DLAT: variants seen among roughly 807,000 people sequenced by gnomAD.
The protein encoded by DLAT is dihydrolipoamide S-acetyltransferase.
Under a neutral mutation model 68.0 loss-of-function variants are expected in DLAT, and 43 were observed. The observed-to-expected ratio is 0.63, with a 90% confidence interval of 0.50 to 0.81. The LOEUF (loss-of-function observed/expected upper bound fraction) is 0.81. Ranked by LOEUF, DLAT falls within the 40% of genes least tolerant of loss-of-function variation. The pLI, the probability that DLAT is intolerant of heterozygous loss-of-function variation, is 0.00. For missense variants in DLAT, 745 were observed against 815.4 expected (o/e 0.91, Z 1.05); for synonymous variants, 265 against 288.6 (o/e 0.92, Z 0.83).
At chr11:112,057,580 ATTCCCT>A (rs1864174885) in intron 11 of DLAT, among the ~76,000 whole-genome samples, 1 of 152,256 alleles carries the variant, frequency 6.6e-6, no homozygotes, top group Non-Finnish European at 1.5e-5. Flanking sequence ...CAGGTACAGC[ATTCCCT>A]TAAGCCAAAG....
chr11:112,062,095 T>C (rs188417776), intron 13 of DLAT, among the ~76,000 whole-genome samples: 3 of 152,210 alleles, frequency 2.0e-5, no homozygotes, highest in Non-Finnish European at 4.4e-5. Context: ...CTGGGACATA[T>C]GGCTGCTGTT....
rs782118327 is a variant in DLAT, at chr11:112,035,505, TG to T, written c.788-1766del. Among the ~76,000 whole-genome samples, 990 of 146,854 alleles carry T rather than the reference TG, an allele frequency of 6.7e-3. 20 individuals carry two copies. Among genetic ancestry groups the T allele is most frequent in the Non-Finnish European group, 9.1e-3 (603 of 66,340 alleles). On this transcript the variant is annotated intron_variant, in intron 5 of 13. Coordinates refer to ENST00000280346, the MANE Select transcript of DLAT (RefSeq NM_001931.5). ...TTTAAACACTTCTTTTTTTTTTTTT[TG>T]GAAACAGAGTCTGGCTCTGTTGTCC...
chr11:112,043,455 G>A lies in DLAT; in HGVS notation c.1130-11G>A. The A allele has an allele frequency of 6.2e-7, 1 of 1,612,752 alleles. No homozygotes were observed. The highest frequency in any genetic ancestry group is 8.5e-7 in the Non-Finnish European group (1 of 1,178,758). ...ATGTCATCATGTATGTGATATTTAT[G>A]TCTCTTACAGGGACAGGACCAGATG... On this transcript the variant is annotated splice_polypyrimidine_tract_variant and intron_variant, in intron 7 of 13. Transcript: ENST00000280346.
intron 10 of DLAT, 96 bp downstream of exon 10, chr11:112,046,066 T>C: frequency 1.4e-6 from 1 of 718,216 alleles, no homozygotes; most frequent in Non-Finnish European, 2.5e-6. Context: ...TGTTACAATA[T>C]ATCAGTTGGT....
chr11:112,028,444 A>T, intron 2 of DLAT, 71 bp from the exon 3 acceptor site: 6 of 1,372,058 alleles, frequency 4.4e-6, no homozygotes, highest in Non-Finnish European at 6.0e-6. Context: ...AAAAAAAAAA[A>T]ATTCTAGACA....
intron 6 of DLAT, among the ~76,000 whole-genome samples, chr11:112,038,916 T>G (rs1288304883): frequency 6.6e-6 from 1 of 151,398 alleles, no homozygotes; most frequent in Non-Finnish European, 1.5e-5. Context: ...TGTAAAAGAA[T>G]GCGAATAAAG....
chr11:112,063,332 A>G lies in DLAT; in HGVS notation c.*797A>G, dbSNP rs1040504940. 6.6e-6 allele frequency: 1 copy of G among 152,328 alleles called. No individual in the cohort carries two copies. The highest frequency in any genetic ancestry group is 6.5e-5 in the Admixed American group (1 of 15,282). 9.4% of individuals were successfully genotyped at this position (152,328 alleles called of 1,614,324 possible). On this transcript the variant is annotated 3_prime_UTR_variant, in exon 14 of 14. Transcript: ENST00000280346. ...ATTTAACAGAAGTTGTGAAACTAAAATTTTCTAAGATTAACTGGTAGTTCA... is the reference window on the plus strand; with the variant it reads ...ATTTAACAGAAGTTGTGAAACTAAAGTTTTCTAAGATTAACTGGTAGTTCA...
rs1555180107 is a variant in DLAT, at chr11:112,033,397, T to G, written c.661-7T>G. 1.2e-6 allele frequency: 2 copies of G among 1,613,198 alleles called. No homozygotes were observed. Among genetic ancestry groups the G allele is most frequent in the South Asian group, 2.2e-5 (2 of 90,940 alleles). ...TATTAAGCAATAATATGTGTTTGTT[T>G]CTGCAGGTACTTCTTCCTGCCCTCT... On this transcript the variant is annotated splice_polypyrimidine_tract_variant and splice_region_variant and intron_variant, in intron 4 of 13. Coordinates refer to ENST00000280346, the MANE Select transcript of DLAT (RefSeq NM_001931.5).
chr11:112,031,892 T>G (rs1005074188), intron 4 of DLAT, among the ~76,000 whole-genome samples: 4 of 115,206 alleles, frequency 3.5e-5, no homozygotes, highest in African/African-American at 6.9e-5. Flanking sequence ...CCTGTTTTTT[T>G]TTTTTTTTTT....
intron 4 of DLAT, among the ~76,000 whole-genome samples, chr11:112,029,665 AC>A (rs1862289597): frequency 6.6e-6 from 1 of 150,918 alleles, no homozygotes; most frequent in African/African-American, 2.5e-5. Flanking sequence ...TTTTCCACAT[AC>A]AAAAAAACTT....
chr11:112,061,121 T>C lies in DLAT; in HGVS notation c.1761T>C (p.Ile587=), dbSNP rs1322990872. 1 of 1,614,046 alleles carries C rather than the reference T, an allele frequency of 6.2e-7. No individual in the cohort carries two copies. The highest frequency in any genetic ancestry group is 1.3e-5 in the African/African-American group (1 of 74,932). The change falls in exon 13 of 14, where the codon ATT becomes ATC. Residue 587 remains isoleucine, a synonymous_variant. Transcript: ENST00000280346. ...TTATTAACCCACCTCAAGCATGTATTTTGGCAATTGGTGCTTCAGAGGATA... is the reference window on the plus strand; with the variant it reads ...TTATTAACCCACCTCAAGCATGTATCTTGGCAATTGGTGCTTCAGAGGATA... ...SAIINPPQAC[I]LAIGASEDKL...
intron 10 of DLAT, among the ~76,000 whole-genome samples, chr11:112,048,969 ATT>A (rs34651095): frequency 3.5e-3 from 331 of 93,640 alleles, no homozygotes; most frequent in African/African-American, 0.01. Context: ...TTTTCTCAAG[ATT>A]TTTTTTTTTT....
chr11:112,031,453 A>G (rs997657836), intron 4 of DLAT, among the ~76,000 whole-genome samples: 6 of 152,048 alleles, frequency 3.9e-5, no homozygotes, highest in African/African-American at 1.4e-4. Context: ...GTCTCACTCC[A>G]TCACCTAGGC....
Position 112,063,988 on chromosome 11 carries a change from A to G in DLAT, c.*1453A>G, listed in dbSNP as rs148798969. 5.7e-3 allele frequency: 2,908 copies of G among 511,672 alleles called. 9 individuals are homozygous for G. The highest frequency in any genetic ancestry group is 0.014 in the South Asian group (337 of 24,860). 31.7% of individuals were successfully genotyped at this position (511,672 alleles called of 1,614,324 possible). A position where few individuals can be genotyped will look rare whatever the true frequency, so the allele number is the denominator to read the frequency against. On this transcript the variant is annotated 3_prime_UTR_variant, in exon 14 of 14. Coordinates refer to ENST00000280346, the MANE Select transcript of DLAT (RefSeq NM_001931.5). Reference sequence around the variant, plus strand: ...TCTGTTTCTAAATATTCATTATTACATGGTACACAAGTGACACTCCATATA... The same window carrying G: ...TCTGTTTCTAAATATTCATTATTACGTGGTACACAAGTGACACTCCATATA...
At chr11:112,026,139 C>A (rs1000956761) in intron 1 of DLAT, 59 bp from the exon 2 acceptor site, 3 of 1,276,244 alleles carry the variant, frequency 2.4e-6, no homozygotes, top group Non-Finnish European at 3.4e-6. Flanking sequence ...AAATCTTAAG[C>A]CAGACTGAGA....
Position 112,051,261 on chromosome 11 carries a change from G to A in DLAT, c.1426G>A (p.Val476Ile), listed in dbSNP as rs1555181955. 1.2e-6 allele frequency: 2 copies of A among 1,612,774 alleles called. No homozygotes were observed. Among genetic ancestry groups the A allele is most frequent in the South Asian group, 1.1e-5 (1 of 91,026 alleles). Residue 476 changes from valine (V) to isoleucine (I), a missense_variant, in exon 11 of 14, where the codon GTC becomes ATC. By Grantham distance (29) the Val-to-Ile change is conservative. Transcript: ENST00000280346. This position sits in a 1 kb window ranked among gnomAD's most constrained non-coding sequence, Gnocchi z 4.3. Reference protein sequence around the residue: ...KILEGRSKISVNDFIIKASAL... With the variant: ...KILEGRSKISINDFIIKASAL... The stretch of plus-strand genomic sequence containing the variant: ...ATTAGAAGGGAGAAGCAAAATTTCT[G>A]TCAATGACTTCATCATAAAAGCTTC...
chr11:112,051,404 A>ATGTGTGAG lies in DLAT; in HGVS notation c.1514+58_1514+65dup. 7.7e-7 allele frequency: 1 copy of ATGTGTGAG among 1,298,456 alleles called. No homozygotes were observed. The highest frequency in any genetic ancestry group is 1.1e-6 in the Non-Finnish European group (1 of 896,886). 80.4% of individuals were successfully genotyped at this position (1,298,456 alleles called of 1,614,324 possible). On this transcript the variant is annotated intron_variant, in intron 11 of 13. Transcript: ENST00000280346. The surrounding 1 kb of genome is among the most constrained non-coding windows in gnomAD (Gnocchi z 4.3). ...ATCGGTAGTTTTCTTGTATTATTTA[A>ATGTGTGAG]TGTGTGAGTGGAGTTGAGGGGATAA...
chr11:112,060,692 C>T (rs1296188772), intron 12 of DLAT, among the ~76,000 whole-genome samples: 2 of 152,060 alleles, frequency 1.3e-5, no homozygotes, highest in African/African-American at 4.8e-5. Context: ...TTTCAAACTC[C>T]TGACCTCAAA....
intron 9 of DLAT, among the ~76,000 whole-genome samples, chr11:112,045,437 C>T (rs781850758): frequency 6.6e-6 from 1 of 152,182 alleles, no homozygotes; most frequent in Non-Finnish European, 1.5e-5. Flanking sequence ...CCTGTAATCC[C>T]AGCACTTTGG....
Sources: gnomAD v4.1 joint callset for allele counts (sites outside exome capture counted in the v4.1 genomes callset) on GRCh38, gnomAD v4.1.1 for gene constraint, Gnocchi (gnomAD v3.1) non-coding constraint, MANE v1.5 for transcripts, NCBI Gene and HGNC (gene_info 2026-07-23, HGNC 2026-07-21) for gene names.